The following PRIM2 variants were observed in gnomAD, a reference collection of about 807,000 sequenced individuals.
PRIM2 encodes DNA primase subunit 2.
In PRIM2, 39 loss-of-function variants were observed where a neutral mutation model predicts 67.3. The ratio of observed to expected loss-of-function variants is 0.58; its 90% CI spans 0.45 to 0.76. The LOEUF (loss-of-function observed/expected upper bound fraction) is 0.76, where lower values mean the gene tolerates loss of function less well. Ranked by LOEUF, PRIM2 falls within the 30% of genes least tolerant of loss-of-function variation. PRIM2 has a pLI of 0.00. For missense variants in PRIM2, 398 were observed against 598.7 expected (o/e 0.66, Z 3.50); for synonymous variants, 143 against 198.7 (o/e 0.72, Z 2.36).
chr6:57,592,197 GA>G (rs1776292315), intron 10 of PRIM2, among the ~76,000 whole-genome samples: 1 of 152,148 alleles, frequency 6.6e-6, no homozygotes, highest in Non-Finnish European at 1.5e-5. Flanking sequence ...AAGAAGGGTT[GA>G]AAAATTACCT....
At chr6:57,538,848 A>C (rs1209257926) in intron 10 of PRIM2, among the ~76,000 whole-genome samples, 1 of 152,050 alleles carries the variant, frequency 6.6e-6, no homozygotes, top group Non-Finnish European at 1.5e-5. Flanking sequence ...TTTCTTATAA[A>C]TACACTAGTC....
chr6:57,380,116 C>G, intron 6 of PRIM2, 120 bp downstream of exon 6: 2 of 747,666 alleles, frequency 2.7e-6, no homozygotes, highest in Non-Finnish European at 4.2e-6. Flanking sequence ...CTGTCTCCTG[C>G]ACAGATACTG....
At chr6:57,588,438 T>C (rs1278909983) in intron 10 of PRIM2, among the ~76,000 whole-genome samples, 3 of 149,006 alleles carry the variant, frequency 2.0e-5, no homozygotes, top group African/African-American at 7.4e-5. Flanking sequence ...GTAGCATTAT[T>C]TCTTCATGCA....
chr6:57,466,878 G>C (rs1773210472), intron 7 of PRIM2, among the ~76,000 whole-genome samples: 1 of 152,058 alleles, frequency 6.6e-6, no homozygotes, highest in African/African-American at 2.4e-5. Flanking sequence ...CCAGCACTTT[G>C]GCAGGCTGAG....
At chr6:57,616,112 T>TTTTC (rs1776752254) in intron 12 of PRIM2, among the ~76,000 whole-genome samples, 1 of 152,248 alleles carries the variant, frequency 6.6e-6, no homozygotes, top group African/African-American at 2.4e-5. Flanking sequence ...CCTTAATAGT[T>TTTTC]TTTCTTTCTT....
At chr6:57,334,672 G>A (rs940511859) in intron 5 of PRIM2, among the ~76,000 whole-genome samples, 1 of 151,980 alleles carries the variant, frequency 6.6e-6, no homozygotes, top group Non-Finnish European at 1.5e-5. Context: ...GAAATAAGAG[G>A]ATAATAACGA....
intron 7 of PRIM2, among the ~76,000 whole-genome samples, chr6:57,479,352 A>G (rs1773557004): frequency 6.6e-6 from 1 of 152,150 alleles, no homozygotes; most frequent in Non-Finnish European, 1.5e-5. Flanking sequence ...GTTGTAGACT[A>G]CTAAAAAAAA....
chr6:57,563,594 G>A (rs1451180211), intron 10 of PRIM2, among the ~76,000 whole-genome samples: 25 of 152,228 alleles, frequency 1.6e-4, no homozygotes, highest in African/African-American at 5.8e-4. Flanking sequence ...GGGAAGTTCA[G>A]TCATTGAATT....
At chr6:57,524,473 G>A (rs1554349182) in intron 8 of PRIM2, among the ~76,000 whole-genome samples, 2 of 152,046 alleles carry the variant, frequency 1.3e-5, no homozygotes, top group Admixed American at 6.5e-5. Context: ...AGGCCGAGGC[G>A]GGCTGATCAC....
chr6:57,621,985 C>T (rs1776865483), intron 12 of PRIM2, among the ~76,000 whole-genome samples: 2 of 151,806 alleles, frequency 1.3e-5, no homozygotes, highest in African/African-American at 2.4e-5. Flanking sequence ...GAGTCTCACT[C>T]TGTCGCCCAG....
intron 10 of PRIM2, among the ~76,000 whole-genome samples, chr6:57,592,414 A>G (rs1179299479): frequency 3.3e-4 from 50 of 152,302 alleles, no homozygotes; most frequent in Non-Finnish European, 6.9e-4. Context: ...TTTTGAATAC[A>G]AATCTCTCTC....
chr6:57,519,489 C>T (rs1774566116), intron 8 of PRIM2, among the ~76,000 whole-genome samples: 1 of 152,238 alleles, frequency 6.6e-6, no homozygotes. Context: ...AGCGACATTT[C>T]TTCCATTTGC....
intron 10 of PRIM2, among the ~76,000 whole-genome samples, chr6:57,543,921 GT>G (rs1775232890): frequency 6.6e-6 from 1 of 152,092 alleles, no homozygotes; most frequent in South Asian, 2.1e-4. Flanking sequence ...AGGTTAAGCA[GT>G]TTTTGTGTTA....
intron 12 of PRIM2, among the ~76,000 whole-genome samples, chr6:57,625,013 T>TA (rs1314036067): frequency 1.3e-5 from 2 of 152,274 alleles, no homozygotes; most frequent in African/African-American, 4.8e-5. Flanking sequence ...TCGTGAGACT[T>TA]ACTCACTACC....
At chr6:57,439,418 T>G (rs1384435858) in intron 7 of PRIM2, among the ~76,000 whole-genome samples, 3 of 122,786 alleles carry the variant, frequency 2.4e-5, no homozygotes, top group Non-Finnish European at 4.9e-5. Context: ...TTTTTTTTTT[T>G]TTTTTTTTTT....
intron 7 of PRIM2, chr6:57,497,679 A>G (rs1774035667): frequency 2.0e-5 from 3 of 152,208 alleles, no homozygotes; most frequent in Non-Finnish European, 4.4e-5. Context: ...GAGCTTACAT[A>G]TTGAAAATCA....
chr6:57,335,159 TA>T (rs1196404161), intron 5 of PRIM2, among the ~76,000 whole-genome samples: 2 of 152,212 alleles, frequency 1.3e-5, no homozygotes, highest in African/African-American at 4.8e-5. Flanking sequence ...CCGACAGGCT[TA>T]AAAAACGGCG....
At chr6:57,345,166 T>G (rs1298823971) in intron 5 of PRIM2, among the ~76,000 whole-genome samples, 1 of 96,242 alleles carries the variant, frequency 1.0e-5, no homozygotes, top group Non-Finnish European at 2.4e-5. Flanking sequence ...ATTTTATTAA[T>G]TTTTTTTTTT....
chr6:57,513,926 A>G (rs1476363028), intron 8 of PRIM2, among the ~76,000 whole-genome samples: 71 of 152,338 alleles, frequency 4.7e-4, no homozygotes, highest in African/African-American at 1.7e-3. Flanking sequence ...TCACACCACA[A>G]TTTTGCGAGC....
Sources: gnomAD v4.1 joint callset for allele counts (sites outside exome capture counted in the v4.1 genomes callset) on GRCh38, gnomAD v4.1.1 for gene constraint, MANE v1.5 for transcripts, NCBI Gene and HGNC (gene_info 2026-07-23, HGNC 2026-07-21) for gene names.